Variants in LUZP2 observed in about 807,000 individuals in gnomAD.
LUZP2 encodes the protein leucine zipper protein 2.
A neutral mutation model predicts 51.6 loss-of-function variants in LUZP2; 52 were observed. The ratio of observed to expected loss-of-function variants is 1.01; its 90% CI spans 0.81 to 1.27. The LOEUF (loss-of-function observed/expected upper bound fraction) is 1.27. Among genes scored for constraint, LUZP2 ranks in the 50% most tolerant of loss-of-function variants. The probability of loss-of-function intolerance (pLI) is 0.00; values close to 1 mark genes in which losing one functional copy is unlikely to be tolerated. For synonymous variants in LUZP2, 154 were observed against 137.3 expected (o/e 1.12, Z -0.85); for missense variants, 436 against 395.4 (o/e 1.10, Z -0.87).
intron 5 of LUZP2, among the ~76,000 whole-genome samples, chr11:24,851,610 C>T (rs61894124): frequency 0.2 from 30,425 of 151,774 alleles, 3,152 homozygotes; most frequent in African/African-American, 0.25. Flanking sequence ...GGTTTTGGTA[C>T]CAGGATGATG....
chr11:25,001,291 C>G (rs1256307356), intron 9 of LUZP2, among the ~76,000 whole-genome samples: 2 of 152,128 alleles, frequency 1.3e-5, no homozygotes, highest in East Asian at 3.9e-4. Flanking sequence ...TTTGAGCAGA[C>G]CAATTATTAG....
chr11:24,614,953 A>G (rs1270879025), intron 1 of LUZP2, among the ~76,000 whole-genome samples: 2 of 152,016 alleles, frequency 1.3e-5, no homozygotes, highest in Non-Finnish European at 2.9e-5. Flanking sequence ...CTAGAGATTT[A>G]TATGTTAAAC....
At chr11:24,718,457 G>T (rs1858139633) in intron 1 of LUZP2, among the ~76,000 whole-genome samples, 1 of 152,186 alleles carries the variant, frequency 6.6e-6, no homozygotes, top group African/African-American at 2.4e-5. Flanking sequence ...GTCTGTGAGT[G>T]CATCATAACA....
chr11:24,608,872 TTTTCA>T (rs1449624145), intron 1 of LUZP2, among the ~76,000 whole-genome samples: 1 of 151,842 alleles, frequency 6.6e-6, no homozygotes, highest in Non-Finnish European at 1.5e-5. Context: ...TTCTTTCAGA[TTTTCA>T]TTTTTCAAAT....
At chr11:24,602,216 G>T (rs1853725786) in intron 1 of LUZP2, among the ~76,000 whole-genome samples, 1 of 45,176 alleles carries the variant, frequency 2.2e-5, no homozygotes, top group African/African-American at 5.7e-5. Context: ...GTGTATATAT[G>T]TATATATGTA....
intron 1 of LUZP2, among the ~76,000 whole-genome samples, chr11:24,541,227 T>C (rs1283246390): frequency 1.6e-5 from 2 of 122,712 alleles, no homozygotes; most frequent in Non-Finnish European, 3.2e-5. Context: ...CACTCCAGCC[T>C]GGGGGACAAG....
At chr11:24,846,808 TC>T (rs1211830377) in intron 5 of LUZP2, among the ~76,000 whole-genome samples, 1 of 148,020 alleles carries the variant, frequency 6.8e-6, no homozygotes, top group Non-Finnish European at 1.5e-5. Flanking sequence ...TCTTTTTCTT[TC>T]TCTCTGTCTC....
At chr11:24,630,044 T>A (rs114230349) in intron 1 of LUZP2, among the ~76,000 whole-genome samples, 2,487 of 152,022 alleles carry the variant, frequency 0.016, 70 homozygotes, top group African/African-American at 0.057. Flanking sequence ...GGGATTACTT[T>A]TTTTGTTTTT....
intron 1 of LUZP2, among the ~76,000 whole-genome samples, chr11:24,672,946 C>T (rs974040021): frequency 3.3e-5 from 5 of 152,140 alleles, no homozygotes; most frequent in Non-Finnish European, 5.9e-5. Flanking sequence ...TCAAATCAGC[C>T]GTGGCATTAG....
At chr11:24,914,156 T>C (rs1457518663) in intron 6 of LUZP2, among the ~76,000 whole-genome samples, 48 of 152,192 alleles carry the variant, frequency 3.2e-4, no homozygotes, top group Non-Finnish European at 1.5e-5. Context: ...ACAGATATAA[T>C]TAGCGTCTAA....
At position 25,061,741 on chromosome 11, in the gene LUZP2, T is replaced by C. The variant is rs548411989; in HGVS notation, c.858+11611T>C. Among the ~76,000 whole-genome samples the C allele has an allele frequency of 3.3e-5, 5 of 152,298 alleles. No individual in the cohort carries two copies. The South Asian group carries it at 1.0e-3, about 32-fold the overall frequency. ...TTTCTTTTTTTAGACATAAAATGAT[T>C]CTTTTGAATAATTAATCCATCATTC... On this transcript the variant is annotated intron_variant, in intron 10 of 11. Coordinates refer to ENST00000336930, the MANE Select transcript of LUZP2 (RefSeq NM_001009909.4).
rs898221043 is a variant in LUZP2, at chr11:24,821,307, A to T, written c.396+57999A>T. Among the ~76,000 whole-genome samples, 3 of 152,154 alleles carry T rather than the reference A, an allele frequency of 2.0e-5. No homozygotes were observed. The East Asian group carries it at 5.8e-4, about 29-fold the overall frequency. On this transcript the variant is annotated intron_variant, in intron 5 of 11. Transcript: ENST00000336930. The stretch of plus-strand genomic sequence containing the variant: ...TAAAGTAGTGCCTAGAACACAGTGC[A>T]TATTCAATTACTACTTGTAGAATGA...
intron 9 of LUZP2, among the ~76,000 whole-genome samples, chr11:25,005,692 G>A (rs529207301): frequency 1.3e-5 from 2 of 152,252 alleles, no homozygotes; most frequent in Admixed American, 6.5e-5. Context: ...TGTGCTCACC[G>A]ACGCAGCAGC....
intron 10 of LUZP2, among the ~76,000 whole-genome samples, chr11:25,051,198 T>C (rs543760848): frequency 6.6e-6 from 1 of 151,890 alleles, no homozygotes; most frequent in African/African-American, 2.4e-5. Flanking sequence ...TGAATTACTC[T>C]CCCAACTACT....
intron 9 of LUZP2, among the ~76,000 whole-genome samples, chr11:25,022,014 A>T (rs760702000): frequency 2.0e-5 from 3 of 152,004 alleles, no homozygotes; most frequent in Non-Finnish European, 2.9e-5. Context: ...TTGGTTCATT[A>T]AGGTTAGAAA....
chr11:24,961,497 T>C (rs1295124417), intron 7 of LUZP2, among the ~76,000 whole-genome samples: 1 of 151,870 alleles, frequency 6.6e-6, no homozygotes, highest in Non-Finnish European at 1.5e-5. Context: ...TTTACCATTA[T>C]GTAATGGCCT....
At chr11:24,960,005 A>G (rs1855344025) in intron 7 of LUZP2, among the ~76,000 whole-genome samples, 1 of 152,192 alleles carries the variant, frequency 6.6e-6, no homozygotes, top group Admixed American at 6.5e-5. Context: ...CTATTGAGAT[A>G]ATCATGTGGT....
At chr11:25,014,336 C>T (rs1355034993) in intron 9 of LUZP2, among the ~76,000 whole-genome samples, 1 of 152,204 alleles carries the variant, frequency 6.6e-6, no homozygotes, top group Non-Finnish European at 1.5e-5. Flanking sequence ...CTGTCTTCCA[C>T]AATGGCTGAA....
rs1203864157 is a variant in LUZP2 at position 24,842,948 on chromosome 11, G to A, written c.397-63043G>A. On this transcript the variant is annotated intron_variant, in intron 5 of 11. Transcript: ENST00000336930. Reference sequence around the variant, plus strand: ...ATAAATTGTTGAAACAGAAAGCAAGGAGTATAAGCATCAATAAATTTAAAA... The same window carrying A: ...ATAAATTGTTGAAACAGAAAGCAAGAAGTATAAGCATCAATAAATTTAAAA... Among the ~76,000 whole-genome samples the A allele has an allele frequency of 3.3e-5, 5 of 151,648 alleles. No individual in the cohort carries two copies. In the East Asian group the frequency reaches 9.6e-4, roughly 29 times the overall value.
Sources: gnomAD v4.1 joint callset for allele counts (sites outside exome capture counted in the v4.1 genomes callset) on GRCh38, gnomAD v4.1.1 for gene constraint, MANE v1.5 for transcripts, NCBI Gene and HGNC (gene_info 2026-07-23, HGNC 2026-07-21) for gene names.